SMARCA2: variants seen among roughly 807,000 people sequenced by gnomAD.
SMARCA2 encodes the protein SWI/SNF-related matrix-associated actin-dependent regulator of chromatin subfamily A member 2.
SMARCA2 carries 61 observed loss-of-function variants against 199.8 expected under a neutral mutation model. The observed-to-expected ratio is 0.31, with a 90% confidence interval of 0.25 to 0.38. The LOEUF is 0.38. Among genes scored for constraint, SMARCA2 ranks in the 10% least tolerant of loss-of-function variants. The pLI is 1.00. For synonymous variants in SMARCA2, 935 were observed against 732.0 expected (o/e 1.28, Z -4.48); for missense variants, 1,344 against 2,012.2 (o/e 0.67, Z 6.35).
chr9:2,115,025 G>C lies in SMARCA2; in HGVS notation c.3457-797G>C, dbSNP rs1823157517. The stretch of plus-strand genomic sequence containing the variant: ...TACTATAATTCATTTAACTAATTCA[G>C]TATTGTTGAATGTTTCTTTTTTTAA... On this transcript the variant is annotated intron_variant, in intron 24 of 33. Coordinates refer to ENST00000349721, the MANE Select transcript of SMARCA2 (RefSeq NM_003070.5). The surrounding 1 kb of genome is among the most constrained non-coding windows in gnomAD (Gnocchi z 6.0). 6.6e-6 allele frequency among the ~76,000 whole-genome samples: 1 copy of C among 151,730 alleles called. No homozygotes were observed. The highest frequency in any genetic ancestry group is 2.1e-4 in the South Asian group (1 of 4,814).
intron 4 of SMARCA2, chr9:2,044,404 C>T (rs1563728289): frequency 2.6e-5 from 4 of 152,182 alleles, no homozygotes. Flanking sequence ...TTAGAAATTG[C>T]TATAGAAAAA....
At chr9:2,153,416 C>G (rs1586761623) in intron 27 of SMARCA2, among the ~76,000 whole-genome samples, 1 of 151,970 alleles carries the variant, frequency 6.6e-6, no homozygotes, top group Non-Finnish European at 1.5e-5. Context: ...GCCTGTAGTC[C>G]CAGCTCTCAG....
In SMARCA2 at chr9:2,082,012, A is replaced by G; in HGVS notation, c.2348+17A>G. 6.2e-7 allele frequency: 1 copy of G among 1,608,224 alleles called. No individual in the cohort carries two copies. The highest frequency in any genetic ancestry group is 8.5e-7 in the Non-Finnish European group (1 of 1,176,254). Reference sequence around the variant, plus strand: ...TCCCCTTTCGTAAGTAAAGTCATTTATTCCACAGTCATCGTTCTGTATGTT... The same window carrying G: ...TCCCCTTTCGTAAGTAAAGTCATTTGTTCCACAGTCATCGTTCTGTATGTT... On this transcript the variant is annotated intron_variant, in intron 15 of 33. Transcript: ENST00000349721.
At chr9:2,093,407 C>T (rs931086755) in intron 19 of SMARCA2, among the ~76,000 whole-genome samples, 1 of 152,158 alleles carries the variant, frequency 6.6e-6, no homozygotes, top group African/African-American at 2.4e-5. Flanking sequence ...GTATGTGTGT[C>T]TGAAAGCGAG....
chr9:2,159,727 C>A, intron 27 of SMARCA2: 1 of 1,507,370 alleles, frequency 6.6e-7, no homozygotes. Context: ...TATCCACAAT[C>A]CTTTCAGTAT....
At chr9:2,041,477 A>T (rs1819600565) in intron 4 of SMARCA2, 1 of 398,376 alleles carries the variant, frequency 2.5e-6, no homozygotes, top group South Asian at 1.3e-4. Context: ...CTCTTTTACA[A>T]GGGCATGAAT....
intron 27 of SMARCA2, among the ~76,000 whole-genome samples, chr9:2,142,566 A>G (rs1429103724): frequency 6.6e-6 from 1 of 152,200 alleles, no homozygotes; most frequent in South Asian, 2.1e-4. Context: ...GCAGGAGGTC[A>G]GTCCAAACCA....
intron 28 of SMARCA2, among the ~76,000 whole-genome samples, chr9:2,168,413 A>T (rs991562802): frequency 2.8e-4 from 42 of 152,188 alleles, no homozygotes; most frequent in Non-Finnish European, 2.4e-4. Context: ...CTGAAAAGTA[A>T]TTTGCAGCAT....
At chr9:2,157,799 G>A (rs1380654859) in intron 27 of SMARCA2, 2 of 397,544 alleles carry the variant, frequency 5.0e-6, no homozygotes, top group Admixed American at 4.4e-5. Flanking sequence ...TGTGAACCAC[G>A]CATAACAGCA....
At chr9:2,070,516 C>T in intron 10 of SMARCA2, 45 bp downstream of exon 10, 2 of 1,424,656 alleles carry the variant, frequency 1.4e-6, no homozygotes, top group Non-Finnish European at 9.9e-7. Flanking sequence ...TGAATGGAGT[C>T]TGTGCCATAC....
chr9:2,150,870 G>A (rs906498126), intron 27 of SMARCA2, among the ~76,000 whole-genome samples: 4 of 151,436 alleles, frequency 2.6e-5, no homozygotes, highest in Admixed American at 1.3e-4. Context: ...ATGCGGGGTT[G>A]TTCCTCTATG....
intron 2 of SMARCA2, among the ~76,000 whole-genome samples, chr9:2,030,219 A>G (rs1357218679): frequency 6.6e-6 from 1 of 152,204 alleles, no homozygotes. Context: ...GAGACTTATT[A>G]TGAGGAATTG....
chr9:2,186,620 G>C (rs1264489419), intron 32 of SMARCA2, among the ~76,000 whole-genome samples: 1 of 151,874 alleles, frequency 6.6e-6, no homozygotes, highest in Non-Finnish European at 1.5e-5. Flanking sequence ...CCACCTCCCA[G>C]GTTCAAGTGA....
chr9:2,168,511 A>T (rs1402608775), intron 28 of SMARCA2, among the ~76,000 whole-genome samples: 2 of 152,212 alleles, frequency 1.3e-5, no homozygotes, highest in East Asian at 3.9e-4. Flanking sequence ...CTTATTTCAA[A>T]ATATTGCCTT....
intron 26 of SMARCA2, among the ~76,000 whole-genome samples, chr9:2,122,851 TG>T (rs1381392674): frequency 1.3e-5 from 2 of 152,218 alleles, no homozygotes; most frequent in African/African-American, 4.8e-5. Context: ...GGATATATAG[TG>T]GCAGTTTATT....
chr9:2,073,903 G>A (rs1349345327), intron 12 of SMARCA2, among the ~76,000 whole-genome samples: 4 of 152,224 alleles, frequency 2.6e-5, no homozygotes, highest in African/African-American at 9.6e-5. Context: ...GGGAGATGGT[G>A]AAGTGGTCTT....
At chr9:2,069,948 C>T (rs562423940) in intron 9 of SMARCA2, among the ~76,000 whole-genome samples, 53 of 152,300 alleles carry the variant, frequency 3.5e-4, no homozygotes, top group African/African-American at 1.1e-3. Flanking sequence ...TCCTTCCCCC[C>T]CAGTAGTCCC....
intron 12 of SMARCA2, among the ~76,000 whole-genome samples, chr9:2,075,622 T>C (rs1821289673): frequency 6.6e-6 from 1 of 152,220 alleles, no homozygotes; most frequent in Non-Finnish European, 1.5e-5. Flanking sequence ...CCAAGTCCCA[T>C]GGGCATTATC....
intron 4 of SMARCA2, chr9:2,042,102 C>G (rs1443817565): frequency 1.3e-5 from 2 of 152,234 alleles, no homozygotes; most frequent in African/African-American, 4.8e-5. Flanking sequence ...CATTGTACTT[C>G]TGTGTGTAAA....
Sources: allele counts gnomAD v4.1 joint callset (sites outside exome capture counted in the v4.1 genomes callset), GRCh38; gene constraint gnomAD v4.1.1; non-coding constraint Gnocchi (gnomAD v3.1); transcripts MANE v1.5; gene names NCBI Gene and HGNC (gene_info 2026-07-23, HGNC 2026-07-21).